Variants in ZC3H3 observed in about 807,000 individuals in gnomAD.
ZC3H3 encodes the protein zinc finger CCCH-type containing 3, also known as zinc finger CCCH domain-containing protein 3.
Under a neutral mutation model 77.3 loss-of-function variants are expected in ZC3H3, and 36 were observed. The observed-to-expected ratio is 0.47, with a 90% CI of 0.36 to 0.61. The LOEUF is 0.61. Ranked by LOEUF, ZC3H3 falls within the 20% of genes least tolerant of loss-of-function variation. The pLI is 0.00. For missense variants in ZC3H3, 1,331 were observed against 1,312.2 expected, an observed-to-expected ratio of 1.01 and a Z score of -0.22; for synonymous variants, 626 against 555.2, an observed-to-expected ratio of 1.13 and a Z score of -1.79.
At chr8:143,496,039 T>C (rs1347027810) in intron 4 of ZC3H3, among the ~76,000 whole-genome samples, 1 of 152,210 alleles carries the variant, frequency 6.6e-6, no homozygotes, top group Non-Finnish European at 1.5e-5. Flanking sequence ...TTAATACTAC[T>C]GGAACTTGTG....
intron 9 of ZC3H3, among the ~76,000 whole-genome samples, chr8:143,456,304 T>C (rs900092188): frequency 2.6e-5 from 4 of 152,120 alleles, no homozygotes; most frequent in African/African-American, 7.2e-5. Flanking sequence ...AGCCCTAATA[T>C]AGCAATAACC....
intron 9 of ZC3H3, among the ~76,000 whole-genome samples, chr8:143,447,137 A>G (rs11780641): frequency 1 from 151,615 of 152,344 alleles, 75,446 homozygotes; most frequent in East Asian, 1. Context: ...ACCTGTGCTG[A>G]TTCAGCCCAG....
At chr8:143,508,479 C>T (rs1239452851) in intron 3 of ZC3H3, among the ~76,000 whole-genome samples, 3 of 152,226 alleles carry the variant, frequency 2.0e-5, no homozygotes, top group African/African-American at 2.4e-5. Context: ...GTGATAGACA[C>T]GACGGCTTTT....
At chr8:143,485,169 A>G (rs73715628) in intron 4 of ZC3H3, among the ~76,000 whole-genome samples, 4,089 of 152,328 alleles carry the variant, frequency 0.027, 179 homozygotes, top group African/African-American at 0.093. Context: ...ATGGAGCATG[A>G]GTCCCCCTGG....
intron 3 of ZC3H3, among the ~76,000 whole-genome samples, chr8:143,508,320 G>C (rs2130424233): frequency 6.6e-6 from 1 of 152,252 alleles, no homozygotes; most frequent in East Asian, 1.9e-4. Context: ...CCTCCACCCA[G>C]GCCAGAGGGG....
At chr8:143,471,307 G>A (rs1396305577) in intron 5 of ZC3H3, among the ~76,000 whole-genome samples, 4 of 152,244 alleles carry the variant, frequency 2.6e-5, no homozygotes, top group Admixed American at 2.6e-4. Flanking sequence ...GCGGCAGAGG[G>A]TGCCCCAGAA....
At chr8:143,439,889 TGAGGGAGGCCCTGGGGGCCC>T in intron 11 of ZC3H3, 132 bp downstream of exon 11, 1 of 451,366 alleles carries the variant, frequency 2.2e-6, no homozygotes. Flanking sequence ...GAGTCCTTGG[TGAGGGAGGCCCTGGGGGCCC>T]GAGCCAGGCC....
intron 4 of ZC3H3, 137 bp downstream of exon 4, chr8:143,507,609 G>T (rs917543144): frequency 4.4e-5 from 48 of 1,079,172 alleles, no homozygotes; most frequent in Non-Finnish European, 5.7e-5. Context: ...CTGGTCCCCA[G>T]CCAACGAGCC....
Position 143,530,482 on chromosome 8 carries a change from C to T in ZC3H3, c.1561+5775G>A, listed in dbSNP as rs529944401. ...TCCATGTGGCTGGTAGGAATCCCAT[C>T]ACCTCCCGCCACCAAGAAGCTCCCC... On this transcript the variant is annotated intron_variant, in intron 3 of 11. Coordinates refer to ENST00000262577, the MANE Select transcript of ZC3H3 (RefSeq NM_015117.3). This position sits in a 1 kb window ranked among gnomAD's most constrained non-coding sequence, Gnocchi z 4.3. 4.3e-4 allele frequency among the ~76,000 whole-genome samples: 65 copies of T among 152,270 alleles called. No individual in the cohort carries two copies. The highest frequency in any genetic ancestry group is 1.5e-3 in the African/African-American group (61 of 41,564).
chr8:143,539,344 C>T, intron 1 of ZC3H3, 24 bp from the exon 2 acceptor site: 1 of 1,573,114 alleles, frequency 6.4e-7, no homozygotes, highest in South Asian at 1.1e-5. Flanking sequence ...ACCACAGGCC[C>T]AGTTAGCCAG....
chr8:143,516,375 C>T (rs1296708082), intron 3 of ZC3H3, among the ~76,000 whole-genome samples: 4 of 152,004 alleles, frequency 2.6e-5, no homozygotes, highest in Admixed American at 6.5e-5. Flanking sequence ...TGGGCACCCT[C>T]GAACCCTCTG....
At chr8:143,539,930 A>G (rs1031601596) in intron 1 of ZC3H3, among the ~76,000 whole-genome samples, 1 of 152,236 alleles carries the variant, frequency 6.6e-6, no homozygotes, top group Non-Finnish European at 1.5e-5. Context: ...GACTTTCCAA[A>G]TAAGTCCCTG....
At chr8:143,447,519 G>A (rs1449909339) in intron 9 of ZC3H3, among the ~76,000 whole-genome samples, 1 of 152,206 alleles carries the variant, frequency 6.6e-6, no homozygotes, top group African/African-American at 2.4e-5. Context: ...GGATGTCTCA[G>A]TTCTGACAGC....
intron 4 of ZC3H3, among the ~76,000 whole-genome samples, chr8:143,492,559 C>G (rs1040753282): frequency 6.6e-6 from 1 of 152,234 alleles, no homozygotes; most frequent in Non-Finnish European, 1.5e-5. Context: ...CAGCTTGATG[C>G]TCAGCTCCCC....
At chr8:143,541,313 G>A (rs1823007339) in intron 1 of ZC3H3, 63 bp downstream of exon 1, 1 of 1,598,802 alleles carries the variant, frequency 6.3e-7, no homozygotes, top group East Asian at 2.3e-5. Context: ...AAGGGGGCAG[G>A]GGACCCGCCG....
chr8:143,517,560 C>T (rs1395643683), intron 3 of ZC3H3, among the ~76,000 whole-genome samples: 1 of 152,162 alleles, frequency 6.6e-6, no homozygotes, highest in Non-Finnish European at 1.5e-5. Context: ...AGCCTCGGTC[C>T]CCACTTCACA....
chr8:143,520,827 C>T (rs1020523754), intron 3 of ZC3H3, among the ~76,000 whole-genome samples: 4 of 152,218 alleles, frequency 2.6e-5, no homozygotes, highest in African/African-American at 4.8e-5. Context: ...AGGCAGCTCA[C>T]GGTGCCCACT....
intron 9 of ZC3H3, among the ~76,000 whole-genome samples, chr8:143,459,099 A>C (rs1586883990): frequency 6.6e-6 from 1 of 152,246 alleles, no homozygotes; most frequent in Non-Finnish European, 1.5e-5. Context: ...AAAATGTTTA[A>C]GAGAAGGAAA....
chr8:143,529,071 C>T (rs1822513857), intron 3 of ZC3H3, among the ~76,000 whole-genome samples: 1 of 152,254 alleles, frequency 6.6e-6, no homozygotes, highest in Non-Finnish European at 1.5e-5. Flanking sequence ...ACCTCACAGA[C>T]TCCCGAATGA....
Sources: allele counts gnomAD v4.1 joint callset (sites outside exome capture counted in the v4.1 genomes callset), GRCh38; gene constraint gnomAD v4.1.1; non-coding constraint Gnocchi (gnomAD v3.1); transcripts MANE v1.5; gene names NCBI Gene and HGNC (gene_info 2026-07-23, HGNC 2026-07-21).